PDE9A: variants seen among roughly 807,000 people sequenced by gnomAD.
PDE9A encodes the protein phosphodiesterase 9A, also known as high affinity cGMP-specific 3',5'-cyclic phosphodiesterase 9A.
In PDE9A, 60 loss-of-function variants were observed where a neutral mutation model predicts 87.4. The ratio of observed to expected loss-of-function variants is 0.69; its 90% CI spans 0.56 to 0.85. PDE9A has a LOEUF of 0.85. Ranked by LOEUF, PDE9A falls within the 40% of genes least tolerant of loss-of-function variation. The pLI is 0.00. For synonymous variants in PDE9A, 272 were observed against 279.4 expected (o/e 0.97, Z 0.27); for missense variants, 665 against 779.0 (o/e 0.85, Z 1.74).
chr21:42,696,834 G>A lies in PDE9A; in HGVS notation c.219-2134G>A, dbSNP rs2060166339. On this transcript the variant is annotated intron_variant, in intron 3 of 19. Coordinates refer to ENST00000291539, the MANE Select transcript of PDE9A (RefSeq NM_002606.3). This position sits in a 1 kb window ranked among gnomAD's most constrained non-coding sequence, Gnocchi z 5.1. ...CTGTGGACTTGCCCAGCTGAGCACAGGCATCAGGGGCTAGAGGGGCCCTAG... is the reference window on the plus strand; with the variant it reads ...CTGTGGACTTGCCCAGCTGAGCACAAGCATCAGGGGCTAGAGGGGCCCTAG... Among the ~76,000 whole-genome samples the A allele has an allele frequency of 6.6e-6, 1 of 152,186 alleles. No individual in the cohort carries two copies. The highest frequency in any genetic ancestry group is 2.1e-4 in the South Asian group (1 of 4,828).
chr21:42,659,931 TGA>T lies in PDE9A; in HGVS notation c.69+6053_69+6054del, dbSNP rs1301944920. ...CGCCTCAGATGAACTGACATGCAAATGAGAGATGAAACGGGGACGAGCCGGGC... is the reference window on the plus strand; with the variant it reads ...CGCCTCAGATGAACTGACATGCAAATGAGATGAAACGGGGACGAGCCGGGC... On this transcript the variant is annotated intron_variant, in intron 1 of 19. Transcript: ENST00000291539. The surrounding 1 kb of genome is among the most constrained non-coding windows in gnomAD (Gnocchi z 4.1). Among the ~76,000 whole-genome samples, 2 of 151,978 alleles carry T rather than the reference TGA, an allele frequency of 1.3e-5. 1 individual carries two copies. The highest frequency in any genetic ancestry group is 2.9e-5 in the Non-Finnish European group (2 of 67,974).
chr21:42,725,740 C>G (rs1334622909), intron 4 of PDE9A, among the ~76,000 whole-genome samples: 2 of 152,204 alleles, frequency 1.3e-5, no homozygotes, highest in Non-Finnish European at 2.9e-5. Flanking sequence ...TTCAACCATT[C>G]TCCCTTGAAA....
chr21:42,698,496 T>TG (rs1362851609), intron 3 of PDE9A, among the ~76,000 whole-genome samples: 12 of 151,720 alleles, frequency 7.9e-5, no homozygotes, highest in African/African-American at 2.7e-4. Context: ...CTCGTGATGA[T>TG]GGGGGGAGGG....
In PDE9A at chr21:42,668,594, CATTA is replaced by C. The variant is rs201880901; in HGVS notation, c.69+14712_69+14715del. On this transcript the variant is annotated intron_variant, in intron 1 of 19. Transcript: ENST00000291539. ...TTTGCATTTTCAGTCCCCTGTGATC[CATTA>C]TTTATAACAGTGGAGATTGGCCTCA... Among the ~76,000 whole-genome samples, 514 of 151,424 alleles carry C rather than the reference CATTA, an allele frequency of 3.4e-3. 1 individual carries two copies. Among genetic ancestry groups the C allele is most frequent in the African/African-American group, 0.01 (423 of 41,480 alleles).
Position 42,705,876 on chromosome 21 carries a change from G to T in PDE9A, c.262+6865G>T, listed in dbSNP as rs564266391. The stretch of plus-strand genomic sequence containing the variant: ...TGTTCAGCCTCTGCATCTGGCCCCC[G>T]CGGAGACCCACACCACATTCTACTC... On this transcript the variant is annotated intron_variant, in intron 4 of 19. Coordinates refer to ENST00000291539, the MANE Select transcript of PDE9A (RefSeq NM_002606.3). The surrounding 1 kb of genome is among the most constrained non-coding windows in gnomAD (Gnocchi z 4.3). Among the ~76,000 whole-genome samples, 1 of 151,928 alleles carries T rather than the reference G, an allele frequency of 6.6e-6. No homozygotes were observed. The highest frequency in any genetic ancestry group is 6.6e-5 in the Admixed American group (1 of 15,244).
At chr21:42,677,892 C>T (rs1451725017) in intron 1 of PDE9A, among the ~76,000 whole-genome samples, 4 of 152,194 alleles carry the variant, frequency 2.6e-5, no homozygotes, top group Non-Finnish European at 4.4e-5. Flanking sequence ...ATCCACCCAC[C>T]TCAGTCTCCC....
intron 8 of PDE9A, among the ~76,000 whole-genome samples, chr21:42,746,208 T>C (rs1279351722): frequency 2.0e-5 from 3 of 152,210 alleles, no homozygotes; most frequent in Non-Finnish European, 1.5e-5. Context: ...TGGTTTCTGG[T>C]GTGCACTAGT....
chr21:42,653,898 A>C lies in PDE9A; in HGVS notation c.69+15A>C, dbSNP rs1352482212. 17 of 1,413,760 alleles carry C rather than the reference A, an allele frequency of 1.2e-5. No individual in the cohort carries two copies. The highest frequency in any genetic ancestry group is 2.7e-5 in the East Asian group (1 of 37,222). The allele number at this position is 1,413,760 out of a possible 1,614,324, so 87.6% of individuals were successfully genotyped here. On this transcript the variant is annotated intron_variant, in intron 1 of 19. Transcript: ENST00000291539. The stretch of plus-strand genomic sequence containing the variant: ...GCATTCAGAAGGTAGCCCCTCCCCC[A>C]CCCAGACACCCCCTCCTCCCCCCGG...
In PDE9A at chr21:42,698,988, C is replaced by T; in HGVS notation, c.239C>T (p.Pro80Leu). The change falls in exon 4 of 20, where the codon CCT becomes CTT. Residue 80 changes from proline (P) to leucine (L), a missense_variant. By Grantham distance (98) the Pro-to-Leu change is moderately conservative. Transcript: ENST00000291539. ...TGCAGCACTCCGTACAAAGTGAGACCTGTGGCCATCAAGCAACTCTCCGGT... is the reference window on the plus strand; with the variant it reads ...TGCAGCACTCCGTACAAAGTGAGACTTGTGGCCATCAAGCAACTCTCCGGT... ...NSERTPYKVRPVAIKQLSAGV... is the reference protein window; with the variant it reads ...NSERTPYKVRLVAIKQLSAGV... The T allele has an allele frequency of 6.2e-7, 1 of 1,613,108 alleles. No individual in the cohort carries two copies. Among genetic ancestry groups the T allele is most frequent in the Non-Finnish European group, 8.5e-7 (1 of 1,179,078 alleles).
intron 1 of PDE9A, among the ~76,000 whole-genome samples, chr21:42,685,030 C>G (rs1274269807): frequency 6.6e-6 from 1 of 152,036 alleles, no homozygotes; most frequent in Non-Finnish European, 1.5e-5. Context: ...AACCATCTTC[C>G]TAGGCCTGCG....
chr21:42,775,271 T>C lies in PDE9A; in HGVS notation c.1769-9T>C. 1 of 1,612,226 alleles carries C rather than the reference T, an allele frequency of 6.2e-7. No homozygotes were observed. The highest frequency in any genetic ancestry group is 1.3e-5 in the African/African-American group (1 of 74,904). On this transcript the variant is annotated splice_polypyrimidine_tract_variant and intron_variant, in intron 19 of 19. Transcript: ENST00000291539. Reference sequence around the variant, plus strand: ...AAAAACAAATCAGTCATCGTTTCCCTTCTTCCAGGAGACTGTGCCTGAGGA... The same window carrying C: ...AAAAACAAATCAGTCATCGTTTCCCCTCTTCCAGGAGACTGTGCCTGAGGA...
intron 1 of PDE9A, among the ~76,000 whole-genome samples, chr21:42,672,825 C>T (rs143285883): frequency 0.023 from 3,515 of 152,298 alleles, 67 homozygotes; most frequent in Middle Eastern, 0.048. Flanking sequence ...CTAATCAATG[C>T]GGGGCTCCGT....
Position 42,768,270 on chromosome 21 carries a change from T to C in PDE9A, c.1439T>C (p.Leu480Ser), listed in dbSNP as rs1300272499. The C allele has an allele frequency of 6.3e-7, 1 of 1,596,854 alleles. No homozygotes were observed. Among genetic ancestry groups the C allele is most frequent in the African/African-American group, 1.3e-5 (1 of 74,718 alleles). The change falls in exon 16 of 20, where the codon TTA becomes TCA. Residue 480 changes from leucine (L) to serine (S), a missense_variant. Coordinates refer to ENST00000291539, the MANE Select transcript of PDE9A (RefSeq NM_002606.3). ...MEVAEPWVDCLLEEYFMQSDR... is the reference protein window; with the variant it reads ...MEVAEPWVDCSLEEYFMQSDR... ...GTCGCAGAGCCTTGGGTGGACTGTT[T>C]ATTAGAGGAATATTTTATGCAGGTA...
intron 4 of PDE9A, among the ~76,000 whole-genome samples, chr21:42,726,065 C>T (rs4920143): frequency 0.31 from 46,962 of 151,894 alleles, 7,598 homozygotes; most frequent in East Asian, 0.54. Flanking sequence ...TCCTAATGGC[C>T]GAGTGGCTCT....
rs559586166 is a variant in PDE9A at position 42,705,136 on chromosome 21, G to A, written c.262+6125G>A. ...GAAGGAATGGCCCCGTCCACGCGAA[G>A]GTCTGTGTTCACCAAGCATCTTCTG... On this transcript the variant is annotated intron_variant, in intron 4 of 19. Coordinates refer to ENST00000291539, the MANE Select transcript of PDE9A (RefSeq NM_002606.3). The surrounding 1 kb of genome is among the most constrained non-coding windows in gnomAD (Gnocchi z 4.3). Among the ~76,000 whole-genome samples, 2 of 152,288 alleles carry A rather than the reference G, an allele frequency of 1.3e-5. No homozygotes were observed. The highest frequency in any genetic ancestry group is 1.3e-4 in the Admixed American group (2 of 15,300).
rs892515744 is a variant in PDE9A, at chr21:42,694,459, C to T, written c.219-4509C>T. 6.6e-6 allele frequency among the ~76,000 whole-genome samples: 1 copy of T among 152,186 alleles called. No individual in the cohort carries two copies. Among genetic ancestry groups the T allele is most frequent in the Non-Finnish European group, 1.5e-5 (1 of 68,030 alleles). ...CCATAGGGTGGGCGTTTCATGAAATCTCCAAATTCCAAGGGCTCTTGACAG... is the reference window on the plus strand; with the variant it reads ...CCATAGGGTGGGCGTTTCATGAAATTTCCAAATTCCAAGGGCTCTTGACAG... On this transcript the variant is annotated intron_variant, in intron 3 of 19. Transcript: ENST00000291539. This position sits in a 1 kb window ranked among gnomAD's most constrained non-coding sequence, Gnocchi z 5.3.
At chr21:42,712,993 G>A (rs1318763405) in intron 4 of PDE9A, among the ~76,000 whole-genome samples, 1 of 152,074 alleles carries the variant, frequency 6.6e-6, no homozygotes, top group Non-Finnish European at 1.5e-5. Context: ...TATATTTCCA[G>A]GAAATGTTCC....
intron 1 of PDE9A, among the ~76,000 whole-genome samples, chr21:42,661,461 G>C (rs1363037278): frequency 2.0e-5 from 3 of 151,034 alleles, no homozygotes; most frequent in Non-Finnish European, 3.0e-5. Context: ...CTGAGTGCGG[G>C]GACCTCACAG....
chr21:42,689,038 G>T (rs983074223), intron 3 of PDE9A, among the ~76,000 whole-genome samples: 1 of 151,206 alleles, frequency 6.6e-6, no homozygotes, highest in African/African-American at 2.4e-5. Context: ...CGTCCTCAGC[G>T]AGGTCCCCGT....
Sources: allele counts gnomAD v4.1 joint callset (sites outside exome capture counted in the v4.1 genomes callset), GRCh38; gene constraint gnomAD v4.1.1; non-coding constraint Gnocchi (gnomAD v3.1); transcripts MANE v1.5; gene names NCBI Gene and HGNC (gene_info 2026-07-23, HGNC 2026-07-21).